Variants in FSD1 observed in about 807,000 individuals in gnomAD.
The protein encoded by FSD1 is fibronectin type III and SPRY domain-containing protein 1.
In FSD1, 23 loss-of-function variants were observed where a neutral mutation model predicts 58.2. The observed-to-expected ratio is 0.40, with a 90% CI of 0.28 to 0.56. The LOEUF (loss-of-function observed/expected upper bound fraction) is 0.56. Ranked by LOEUF, FSD1 falls within the 20% of genes least tolerant of loss-of-function variation. The pLI, the probability that FSD1 is intolerant of heterozygous loss-of-function variation, is 0.54. For synonymous variants in FSD1, 265 were observed against 263.4 expected, an observed-to-expected ratio of 1.01 and a Z score of -0.06; for missense variants, 563 against 670.8, an observed-to-expected ratio of 0.84 and a Z score of 1.78.
chr19:4,304,800 CG>C, intron 1 of FSD1, 39 bp downstream of exon 1: 1 of 149,240 alleles, frequency 6.7e-6, no homozygotes, highest in Non-Finnish European at 1.2e-5. Flanking sequence ...GCAGGGGCGT[CG>C]GGGGCGGGGA....
intron 10 of FSD1, among the ~76,000 whole-genome samples, chr19:4,322,084 C>T (rs557623171): frequency 5.0e-5 from 5 of 99,932 alleles, no homozygotes; most frequent in Non-Finnish European, 5.8e-5. Flanking sequence ...CAAGGATTAT[C>T]GGGGGGAATA....
chr19:4,312,555 G>A (rs1291246532), intron 7 of FSD1, among the ~76,000 whole-genome samples: 2 of 151,890 alleles, frequency 1.3e-5, no homozygotes, highest in Non-Finnish European at 2.9e-5. Flanking sequence ...TGTAATCCCA[G>A]CACTTTGGGA....
intron 1 of FSD1, among the ~76,000 whole-genome samples, chr19:4,305,547 G>A (rs1817287288): frequency 6.6e-6 from 1 of 152,228 alleles, no homozygotes; most frequent in Non-Finnish European, 1.5e-5. Flanking sequence ...CGCCTGGTTC[G>A]GGGCCAGGGT....
chr19:4,310,657 G>A, intron 6 of FSD1, 61 bp downstream of exon 6: 1 of 1,566,944 alleles, frequency 6.4e-7, no homozygotes, highest in Non-Finnish European at 8.6e-7. Flanking sequence ...AGGCTAGGAG[G>A]CCCTGAAACA....
At chr19:4,321,128 GA>G (rs1333436652) in intron 10 of FSD1, among the ~76,000 whole-genome samples, 10 of 147,918 alleles carry the variant, frequency 6.8e-5, no homozygotes, top group South Asian at 2.2e-4. Flanking sequence ...GGAGTACCTG[GA>G]GGGGAATAGC....
chr19:4,312,191 A>T, intron 7 of FSD1, 140 bp downstream of exon 7: 1 of 723,636 alleles, frequency 1.4e-6, no homozygotes, highest in Non-Finnish European at 2.3e-6. Flanking sequence ...GAGGTGGATC[A>T]GAAATATGAG....
chr19:4,307,763 C>T, intron 3 of FSD1, 119 bp from the exon 4 acceptor site: 1 of 675,002 alleles, frequency 1.5e-6, no homozygotes, highest in South Asian at 2.0e-5. Context: ...CAATCTCCAT[C>T]TCTCACCTGG....
chr19:4,315,818 G>T (rs574015168), intron 7 of FSD1, among the ~76,000 whole-genome samples: 4 of 151,496 alleles, frequency 2.6e-5, no homozygotes, highest in Admixed American at 2.0e-4. Context: ...CACCTTATTG[G>T]CGAGGCTGGT....
chr19:4,307,128 C>T (rs550600754), intron 3 of FSD1, among the ~76,000 whole-genome samples: 46 of 152,308 alleles, frequency 3.0e-4, no homozygotes, highest in African/African-American at 1.1e-3. Flanking sequence ...AATCATGCCT[C>T]ACTGCAGCGT....
chr19:4,320,193 C>G (rs533172678), intron 10 of FSD1, among the ~76,000 whole-genome samples: 90 of 152,124 alleles, frequency 5.9e-4, no homozygotes, highest in African/African-American at 2.0e-3. Flanking sequence ...CTGGGAGAAC[C>G]TGCCTTCCAC....
rs1048373684 is a variant in FSD1, at chr19:4,319,193, G to A, written c.1039+242G>A. On this transcript the variant is annotated intron_variant, in intron 10 of 12. Coordinates refer to ENST00000221856, the MANE Select transcript of FSD1 (RefSeq NM_024333.3). ...TCTGGACCAGACAGTGCCTGGGCAGGAGCTTGGGGGCAATTTTCTGGACTC... is the reference window on the plus strand; with the variant it reads ...TCTGGACCAGACAGTGCCTGGGCAGAAGCTTGGGGGCAATTTTCTGGACTC... 1.3e-5 allele frequency among the ~76,000 whole-genome samples: 2 copies of A among 152,242 alleles called. 1 individual carries two copies. Among genetic ancestry groups the A allele is most frequent in the African/African-American group, 4.8e-5 (2 of 41,468 alleles).
intron 7 of FSD1, among the ~76,000 whole-genome samples, chr19:4,313,304 G>A (rs925564316): frequency 4.0e-5 from 6 of 151,742 alleles, no homozygotes; most frequent in African/African-American, 9.7e-5. Flanking sequence ...CTGCACCACC[G>A]CACTCCAGCC....
At chr19:4,318,729 G>T (rs762159110) in intron 9 of FSD1, 143 bp from the exon 10 acceptor site, 2 of 760,478 alleles carry the variant, frequency 2.6e-6, no homozygotes, top group Admixed American at 2.1e-5. Context: ...AACATGAGGT[G>T]CTCGATATAT....
Position 4,306,372 on chromosome 19 carries a change from T to C in FSD1, c.243+43T>C, listed in dbSNP as rs1327704398. 1.9e-6 allele frequency: 3 copies of C among 1,608,104 alleles called. No homozygotes were observed. In the Admixed American group the frequency reaches 5.0e-5, roughly 27 times the overall value. On this transcript the variant is annotated intron_variant, in intron 3 of 12. Transcript: ENST00000221856. Reference sequence around the variant, plus strand: ...CTTCCTCTCCCCCCGCCCCTCCTACTCAACAGAACGTAGCTGACCTCGGCA... The same window carrying C: ...CTTCCTCTCCCCCCGCCCCTCCTACCCAACAGAACGTAGCTGACCTCGGCA...
At chr19:4,320,737 G>C (rs1178408247) in intron 10 of FSD1, among the ~76,000 whole-genome samples, 2 of 151,902 alleles carry the variant, frequency 1.3e-5, no homozygotes, top group African/African-American at 2.4e-5. Context: ...GTATCTGGGG[G>C]GAAAAGCTGG....
At chr19:4,318,258 T>C in intron 8 of FSD1, 88 bp from the exon 9 acceptor site, 1 of 1,559,378 alleles carries the variant, frequency 6.4e-7, no homozygotes, top group Non-Finnish European at 8.8e-7. Context: ...TGTCTTGGTC[T>C]GTCTTGGTCA....
chr19:4,306,137 G>A, intron 2 of FSD1, 61 bp from the exon 3 acceptor site: 1 of 1,612,092 alleles, frequency 6.2e-7, no homozygotes, highest in Admixed American at 1.7e-5. Context: ...GATGCCTGTG[G>A]GAGGTCTCAG....
chr19:4,304,694 A>G lies in FSD1; in HGVS notation c.-53A>G. The G allele has an allele frequency of 2.0e-6, 2 of 1,013,846 alleles. No individual in the cohort carries two copies. Among genetic ancestry groups the G allele is most frequent in the South Asian group, 4.6e-5 (1 of 21,526 alleles). 62.8% of individuals were successfully genotyped at this position (1,013,846 alleles called of 1,614,324 possible). A position where few individuals can be genotyped will look rare whatever the true frequency, so the allele number is the denominator to read the frequency against. On this transcript the variant is annotated 5_prime_UTR_variant, in exon 1 of 13. Coordinates refer to ENST00000221856, the MANE Select transcript of FSD1 (RefSeq NM_024333.3). ...CGGCCGCGGCAAAGGCAGCTTGGGGACCCAGCGTGCGCGGGGCCCGCGGGC... is the reference window on the plus strand; with the variant it reads ...CGGCCGCGGCAAAGGCAGCTTGGGGGCCCAGCGTGCGCGGGGCCCGCGGGC...
rs377179552 is a variant in FSD1, at chr19:4,318,330, G to A, written c.800-16G>A. 35 of 1,613,398 alleles carry A rather than the reference G, an allele frequency of 2.2e-5. No homozygotes were observed. The highest frequency in any genetic ancestry group is 2.5e-5 in the Non-Finnish European group (29 of 1,179,970). ...GTTTCCCCATCTCTGTGACTCCCACGTCTGCCCGGCCCCAGCGTTCATGTT... is the reference window on the plus strand; with the variant it reads ...GTTTCCCCATCTCTGTGACTCCCACATCTGCCCGGCCCCAGCGTTCATGTT... On this transcript the variant is annotated splice_polypyrimidine_tract_variant and intron_variant, in intron 8 of 12. Transcript: ENST00000221856.
Sources: gnomAD v4.1 joint callset for allele counts (sites outside exome capture counted in the v4.1 genomes callset) on GRCh38, gnomAD v4.1.1 for gene constraint, MANE v1.5 for transcripts, NCBI Gene and HGNC (gene_info 2026-07-23, HGNC 2026-07-21) for gene names.